B3GLCT: variants seen among roughly 807,000 people sequenced by gnomAD.
B3GLCT encodes the protein beta 3-glucosyltransferase, also known as beta-1,3-glucosyltransferase.
A neutral mutation model predicts 63.4 loss-of-function variants in B3GLCT; 65 were observed. The observed-to-expected ratio is 1.03, with a 90% confidence interval of 0.84 to 1.26. The LOEUF (loss-of-function observed/expected upper bound fraction) is 1.26, where lower values mean the gene tolerates loss of function less well. Among genes scored for constraint, B3GLCT ranks in the 50% most tolerant of loss-of-function variants. The pLI, the probability that B3GLCT is intolerant of heterozygous loss-of-function variation, is 0.00. For synonymous variants in B3GLCT, 233 were observed against 219.2 expected, an observed-to-expected ratio of 1.06 and a Z score of -0.55; for missense variants, 577 against 604.8, an observed-to-expected ratio of 0.95 and a Z score of 0.48.
intron 2 of B3GLCT, among the ~76,000 whole-genome samples, chr13:31,222,074 A>ATTTTTTTT (rs5802597): frequency 1.1e-5 from 1 of 92,950 alleles, no homozygotes; most frequent in African/African-American, 4.2e-5. Context: ...TGTGCTCCTG[A>ATTTTTTTT]TTTTTTTTTT....
chr13:31,275,981 T>A (rs1179359819), intron 9 of B3GLCT, among the ~76,000 whole-genome samples: 1 of 152,078 alleles, frequency 6.6e-6, no homozygotes, highest in Non-Finnish European at 1.5e-5. Context: ...AGCCCCAAAT[T>A]ATACAGGAGT....
At chr13:31,266,148 C>T (rs1319047315) in intron 7 of B3GLCT, among the ~76,000 whole-genome samples, 1 of 152,114 alleles carries the variant, frequency 6.6e-6, no homozygotes, top group Admixed American at 6.5e-5. Context: ...CAGGTGCCCG[C>T]CACCACACCC....
chr13:31,317,722 C>A, intron 13 of B3GLCT, 37 bp downstream of exon 13: 1 of 1,612,898 alleles, frequency 6.2e-7, no homozygotes, highest in Non-Finnish European at 8.5e-7. Flanking sequence ...CTACTTTAAA[C>A]ATAAACTTCC....
chr13:31,316,407 T>TATATATATATA (rs1555255282), intron 12 of B3GLCT, among the ~76,000 whole-genome samples: 3 of 40,864 alleles, frequency 7.3e-5, no homozygotes, highest in Non-Finnish European at 1.6e-4. Flanking sequence ...TTTGGAGGTT[T>TATATATATATA]TATATATATA....
chr13:31,231,104 T>G (rs1807737830), intron 4 of B3GLCT, among the ~76,000 whole-genome samples: 1 of 152,178 alleles, frequency 6.6e-6, no homozygotes, highest in Non-Finnish European at 1.5e-5. Flanking sequence ...GAGGCAGACA[T>G]GCAGCAACCT....
In B3GLCT at chr13:31,260,959, G is replaced by A. The variant is rs1871996656; in HGVS notation, c.473G>A (p.Gly158Glu). ...TTTATTTAACAGGAATGGTTTTTGG[G>A]AAAAGCATTACATGATGAAGAAGCT... is the stretch of plus-strand genomic sequence containing the variant. ...RYDPSKEWFL[G>E]KALHDEEATI... is the part of the protein sequence containing the mutation. The change falls in exon 7 of 15, where the codon GGA (glycine) becomes GAA (glutamate). Residue 158 changes from glycine (G) to glutamate (E), a missense_variant. Physicochemically the swap from Gly to Glu is moderately conservative, Grantham distance 98 (BLOSUM62 -2). Coordinates refer to ENST00000343307, the MANE Select transcript of B3GLCT (RefSeq NM_194318.4). The A allele has an allele frequency of 6.2e-7, 1 of 1,613,748 alleles. No homozygotes were observed. Among genetic ancestry groups the A allele is most frequent in the Non-Finnish European group, 8.5e-7 (1 of 1,179,750 alleles).
At chr13:31,272,467 T>C (rs781606915) in intron 8 of B3GLCT, among the ~76,000 whole-genome samples, 5 of 152,076 alleles carry the variant, frequency 3.3e-5, no homozygotes, top group Non-Finnish European at 7.4e-5. Context: ...CTGCCCACCT[T>C]GGCCTCCCAA....
In B3GLCT at chr13:31,332,162, A is replaced by G. The variant is rs1008362605; in HGVS notation, c.*2494A>G. ...GTTTATTGAAGACCTCTTGTTGTAT[A>G]TATCCTCAAAAATTAATGTAATTGA... On this transcript the variant is annotated 3_prime_UTR_variant, in exon 15 of 15. Transcript: ENST00000343307. 1.3e-5 allele frequency: 2 copies of G among 152,216 alleles called. No homozygotes were observed. Among genetic ancestry groups the G allele is most frequent in the African/African-American group, 4.8e-5 (2 of 41,468 alleles). 9.4% of individuals were successfully genotyped at this position (152,216 alleles called of 1,614,324 possible). A position where few individuals can be genotyped will look rare whatever the true frequency, so the allele number is the denominator to read the frequency against.
intron 6 of B3GLCT, among the ~76,000 whole-genome samples, chr13:31,253,441 A>T (rs1166140173): frequency 6.6e-6 from 1 of 151,876 alleles, no homozygotes; most frequent in Non-Finnish European, 1.5e-5. Flanking sequence ...AGTGCAAAAA[A>T]AATTAGCTGG....
intron 2 of B3GLCT, among the ~76,000 whole-genome samples, chr13:31,218,442 T>TC (rs1165199170): frequency 2.6e-5 from 4 of 152,154 alleles, no homozygotes; most frequent in African/African-American, 9.7e-5. Context: ...TGCCTCAGCC[T>TC]CCCAAAGTGC....
intron 4 of B3GLCT, among the ~76,000 whole-genome samples, chr13:31,239,602 AAG>A (rs1303205734): frequency 6.6e-6 from 1 of 152,148 alleles, no homozygotes; most frequent in Non-Finnish European, 1.5e-5. Context: ...CATGAAACAA[AAG>A]AGCAAACAGC....
At chr13:31,259,546 T>C (rs1366337857) in intron 6 of B3GLCT, among the ~76,000 whole-genome samples, 1 of 151,360 alleles carries the variant, frequency 6.6e-6, no homozygotes, top group Non-Finnish European at 1.5e-5. Flanking sequence ...GGTTCTTTTT[T>C]TCCCCCCTTG....
At chr13:31,318,824 A>T (rs1875188197) in intron 13 of B3GLCT, among the ~76,000 whole-genome samples, 1 of 152,286 alleles carries the variant, frequency 6.6e-6, no homozygotes, top group Non-Finnish European at 1.5e-5. Flanking sequence ...TTATTTGTAT[A>T]TGGGTTTATA....
In B3GLCT at chr13:31,331,856, T is replaced by A. The variant is rs60022887; in HGVS notation, c.*2188T>A. 901 of 152,344 alleles carry A rather than the reference T, an allele frequency of 5.9e-3. 11 individuals carry two copies. Among genetic ancestry groups the A allele is most frequent in the African/African-American group, 0.021 (872 of 41,576 alleles). The allele number at this position is 152,344 out of a possible 1,614,324, so 9.4% of individuals were successfully genotyped here. A position where few individuals can be genotyped will look rare whatever the true frequency, so the allele number is the denominator to read the frequency against. On this transcript the variant is annotated 3_prime_UTR_variant, in exon 15 of 15. Coordinates refer to ENST00000343307, the MANE Select transcript of B3GLCT (RefSeq NM_194318.4). The stretch of plus-strand genomic sequence containing the variant: ...CATTTCCTTTGCTTTGAAATAGGGC[T>A]TTCCTTCCAAATGGCTATTTTTAGG...
chr13:31,256,627 A>G (rs1871755082), intron 6 of B3GLCT, among the ~76,000 whole-genome samples: 1 of 152,212 alleles, frequency 6.6e-6, no homozygotes, highest in African/African-American at 2.4e-5. Context: ...TTGCAGGGCC[A>G]TGGATGAAGC....
chr13:31,292,197 G>C (rs1052415134), intron 12 of B3GLCT, among the ~76,000 whole-genome samples: 1 of 152,146 alleles, frequency 6.6e-6, no homozygotes, highest in African/African-American at 2.4e-5. Context: ...TTTTTGATGT[G>C]CTGCTGGATT....
intron 8 of B3GLCT, among the ~76,000 whole-genome samples, chr13:31,272,375 C>T (rs923773274): frequency 4.6e-5 from 7 of 151,932 alleles, no homozygotes; most frequent in South Asian, 2.1e-4. Context: ...CCACCATGCC[C>T]GGCTAATTTT....
chr13:31,212,267 CTTTTTTTTTTTT>C lies in B3GLCT; in HGVS notation c.71-2770_71-2759del, dbSNP rs59719685. Among the ~76,000 whole-genome samples, 150 of 91,644 alleles carry C rather than the reference CTTTTTTTTTTTT, an allele frequency of 1.6e-3. 3 individuals are homozygous for C. The East Asian group carries it at 0.018, about 11-fold the overall frequency. 60.1% of individuals were successfully genotyped at this position (91,644 alleles called of 152,430 possible). The stretch of plus-strand genomic sequence containing the variant: ...GACAGGCATGCTCTAGCATAACTGG[CTTTTTTTTTTTT>C]TTTTTTTTTTTTTAAGACGGAGTCT... On this transcript the variant is annotated intron_variant, in intron 1 of 14. Transcript: ENST00000343307.
chr13:31,225,342 T>A (rs1214430661), intron 3 of B3GLCT, among the ~76,000 whole-genome samples: 4 of 152,200 alleles, frequency 2.6e-5, no homozygotes, highest in African/African-American at 9.7e-5. Context: ...GTCAGGTGGT[T>A]GGATGGCATA....
Sources: gnomAD v4.1 joint callset for allele counts (sites outside exome capture counted in the v4.1 genomes callset) on GRCh38, gnomAD v4.1.1 for gene constraint, MANE v1.5 for transcripts, NCBI Gene and HGNC (gene_info 2026-07-23, HGNC 2026-07-21) for gene names.